The following MID1 variants were observed in gnomAD, a reference collection of about 807,000 sequenced individuals.
MID1 encodes midline 1, also known as E3 ubiquitin-protein ligase Midline-1.
In MID1, 7 loss-of-function variants were observed where a neutral mutation model predicts 40.4. The observed-to-expected ratio is 0.17, with a 90% CI of 0.10 to 0.33. The LOEUF is 0.33. Among genes scored for constraint, MID1 ranks in the 10% least tolerant of loss-of-function variants. The probability of loss-of-function intolerance (pLI) is 1.00; values close to 1 mark genes in which losing one functional copy is unlikely to be tolerated. For synonymous variants in MID1, 229 were observed against 221.2 expected (o/e 1.04, Z -0.31); for missense variants, 367 against 558.5 (o/e 0.66, Z 3.46).
intron 1 of MID1, among the ~76,000 whole-genome samples, chrX:10,663,388 A>G (rs2042929193): frequency 8.9e-6 from 1 of 111,825 alleles, no homozygotes; most frequent in Admixed American, 9.5e-5. Flanking sequence ...GAATCCTACA[A>G]TATGTGATCC....
At chrX:10,740,531 T>C (rs749897917) in intron 1 of MID1, among the ~76,000 whole-genome samples, 1 of 112,129 alleles carries the variant, frequency 8.9e-6, no homozygotes, top group East Asian at 2.8e-4. Flanking sequence ...GAGAAAGAAT[T>C]GCAACACAGT....
At position 10,772,478 on chromosome X, in the gene MID1, T is replaced by C. The variant is rs763827735; in HGVS notation, c.-187+61076A>G. On this transcript the variant is annotated intron_variant, in intron 1 of 10. Transcript: ENST00000380785. ...GGTGCAGGGTATACTGCTTGGGTGA[T>C]GGGTGCACTGAAACCTCACAAACCA... Among the ~76,000 whole-genome samples, 3 of 110,015 alleles carry C rather than the reference T, an allele frequency of 2.7e-5. No homozygotes were observed. In the South Asian group the frequency reaches 1.2e-3, roughly 43 times the overall value.
chrX:10,539,894 G>A (rs184919807), intron 2 of MID1, among the ~76,000 whole-genome samples: 43 of 112,195 alleles, frequency 3.8e-4, no homozygotes, highest in African/African-American at 1.3e-3. Flanking sequence ...ACAGGTAGGT[G>A]CCACCATGCC....
At chrX:10,661,567 C>T (rs1195634053) in intron 1 of MID1, among the ~76,000 whole-genome samples, 1 of 110,822 alleles carries the variant, frequency 9.0e-6, no homozygotes, top group Non-Finnish European at 1.9e-5. Context: ...CCCACTTCGG[C>T]CTCCCAAAGT....
intron 1 of MID1, among the ~76,000 whole-genome samples, chrX:10,607,400 G>A (rs1272890806): frequency 1.8e-5 from 2 of 111,845 alleles, no homozygotes; most frequent in African/African-American, 6.5e-5. Flanking sequence ...CTTAAGGCCA[G>A]GGATACAGCT....
intron 1 of MID1, among the ~76,000 whole-genome samples, chrX:10,638,464 G>A (rs193146033): frequency 8.9e-6 from 1 of 111,942 alleles, no homozygotes; most frequent in Non-Finnish European, 1.9e-5. Flanking sequence ...AGGGAGGGGC[G>A]TCCGCCATTG....
chrX:10,792,510 T>C (rs1486529672), intron 1 of MID1, among the ~76,000 whole-genome samples: 1 of 112,524 alleles, frequency 8.9e-6, no homozygotes, highest in African/African-American at 3.2e-5. Flanking sequence ...ATGTTCTACT[T>C]ACTATAACTA....
At chrX:10,820,423 G>A (rs1357549026) in intron 1 of MID1, among the ~76,000 whole-genome samples, 1 of 111,824 alleles carries the variant, frequency 8.9e-6, no homozygotes, top group Non-Finnish European at 1.9e-5. Context: ...GCAGCAGGCC[G>A]AGGAACTTTT....
chrX:10,705,996 T>C (rs2043228721), intron 1 of MID1, among the ~76,000 whole-genome samples: 1 of 111,819 alleles, frequency 8.9e-6, no homozygotes, highest in Non-Finnish European at 1.9e-5. Context: ...TCAACTTTGG[T>C]GCTATTGACA....
In MID1 at chrX:10,658,147, C is replaced by G. The variant is rs185507705; in HGVS notation, c.-186-37728G>C. On this transcript the variant is annotated intron_variant, in intron 1 of 10. Transcript: ENST00000380785. ...ATTCTTAATAGTTCTGAATGATGAA[C>G]TTTCTTAAAAAATTGGGAATTTTGG... Among the ~76,000 whole-genome samples, 382 of 110,568 alleles carry G rather than the reference C, an allele frequency of 3.5e-3. 5 individuals carry two copies. Among genetic ancestry groups the G allele is most frequent in the African/African-American group, 0.012 (364 of 30,433 alleles).
At chrX:10,787,538 C>A (rs2043895926) in intron 1 of MID1, among the ~76,000 whole-genome samples, 2 of 19,774 alleles carry the variant, frequency 1.0e-4, no homozygotes, top group Non-Finnish European at 1.7e-4. Flanking sequence ...CCCTCCCCTC[C>A]CCTCCCCTCC....
chrX:10,831,743 C>T (rs906776117), intron 1 of MID1, among the ~76,000 whole-genome samples: 2 of 111,807 alleles, frequency 1.8e-5, no homozygotes, highest in Non-Finnish European at 3.8e-5. Context: ...AAGGATAATT[C>T]TAAACATGAG....
At chrX:10,502,541 G>A (rs959660093) in intron 3 of MID1, among the ~76,000 whole-genome samples, 1 of 111,570 alleles carries the variant, frequency 9.0e-6, no homozygotes, top group Non-Finnish European at 1.9e-5. Flanking sequence ...GACCCCTTGA[G>A]TTGTGCCTCT....
At chrX:10,684,122 G>A (rs1420582816) in intron 1 of MID1, among the ~76,000 whole-genome samples, 2 of 110,436 alleles carry the variant, frequency 1.8e-5, no homozygotes, top group African/African-American at 6.6e-5. Context: ...TTGTTTGTTT[G>A]TTTGTAAGTT....
At chrX:10,785,969 C>G (rs1459920614) in intron 1 of MID1, among the ~76,000 whole-genome samples, 4,697 of 110,685 alleles carry the variant, frequency 0.042, 235 homozygotes, top group African/African-American at 0.14. Flanking sequence ...TGACAAATGG[C>G]ATCTAATTAA....
intron 1 of MID1, among the ~76,000 whole-genome samples, chrX:10,759,577 G>C (rs2043661083): frequency 9.1e-6 from 1 of 110,457 alleles, no homozygotes; most frequent in Non-Finnish European, 1.9e-5. Context: ...CTCTCCCTAG[G>C]GGACGGGGAG....
chrX:10,502,025 T>C (rs933242087), intron 3 of MID1, among the ~76,000 whole-genome samples: 4 of 112,547 alleles, frequency 3.6e-5, no homozygotes, highest in Admixed American at 2.8e-4. Flanking sequence ...TTTAGCAGTC[T>C]GTAAGTGGTT....
intron 1 of MID1, among the ~76,000 whole-genome samples, chrX:10,752,040 T>C (rs989870760): frequency 8.9e-6 from 1 of 111,746 alleles, no homozygotes; most frequent in African/African-American, 3.3e-5. Flanking sequence ...ACCATGACTG[T>C]AAGCTTCCTC....
At chrX:10,800,312 A>C (rs1280408660) in intron 1 of MID1, among the ~76,000 whole-genome samples, 1 of 111,463 alleles carries the variant, frequency 9.0e-6, no homozygotes, top group African/African-American at 3.3e-5. Flanking sequence ...AACAGCCCCC[A>C]ATGAACTGAG....
Sources: gnomAD v4.1 joint callset for allele counts (sites outside exome capture counted in the v4.1 genomes callset) on GRCh38, gnomAD v4.1.1 for gene constraint, MANE v1.5 for transcripts, NCBI Gene and HGNC (gene_info 2026-07-23, HGNC 2026-07-21) for gene names.